ERI3: variants seen among roughly 807,000 people sequenced by gnomAD.
The protein encoded by ERI3 is ERI1 exoribonuclease family member 3, also known as ERI1 exoribonuclease 3.
A neutral mutation model predicts 44.4 loss-of-function variants in ERI3; 18 were observed. The ratio of observed to expected loss-of-function variants is 0.41; its 90% CI spans 0.28 to 0.60. The LOEUF (loss-of-function observed/expected upper bound fraction) is 0.60. Ranked by LOEUF, ERI3 falls within the 20% of genes least tolerant of loss-of-function variation. The pLI, the probability that ERI3 is intolerant of heterozygous loss-of-function variation, is 0.36. For synonymous variants in ERI3, 183 were observed against 164.8 expected (o/e 1.11, Z -0.84); for missense variants, 294 against 435.5 (o/e 0.68, Z 2.89).
intron 1 of ERI3, chr1:44,354,294 A>G (rs1231070027): frequency 1.0e-6 from 1 of 985,310 alleles, no homozygotes; most frequent in Non-Finnish European, 1.2e-6. Flanking sequence ...GATGGGCACT[A>G]TTTGTTGCAA....
At position 44,338,582 on chromosome 1, in the gene ERI3, A is replaced by C. The variant is rs1043459090; in HGVS notation, c.489+463T>G. Among the ~76,000 whole-genome samples, 3 of 152,228 alleles carry C rather than the reference A, an allele frequency of 2.0e-5. No individual in the cohort carries two copies. In the East Asian group the frequency reaches 5.8e-4, roughly 29 times the overall value. On this transcript the variant is annotated intron_variant, in intron 3 of 8. Transcript: ENST00000372257. Reference sequence around the variant, plus strand: ...ATACTTTTTATAACTTACCCTCAGAAGTCGTACATTATCTCTTCCACTGTA... The same window carrying C: ...ATACTTTTTATAACTTACCCTCAGACGTCGTACATTATCTCTTCCACTGTA...
At chr1:44,250,993 C>T (rs1168403512) in intron 7 of ERI3, among the ~76,000 whole-genome samples, 1 of 152,198 alleles carries the variant, frequency 6.6e-6, no homozygotes, top group African/African-American at 2.4e-5. Context: ...GATGTGACCA[C>T]CAGCCTCACG....
chr1:44,304,671 T>C (rs1465058034), intron 6 of ERI3, among the ~76,000 whole-genome samples: 1 of 152,158 alleles, frequency 6.6e-6, no homozygotes, highest in Admixed American at 6.5e-5. Flanking sequence ...GTCTCTTCAG[T>C]GGTCTTGACC....
chr1:44,296,399 G>T (rs189894876), intron 6 of ERI3, among the ~76,000 whole-genome samples: 1 of 152,118 alleles, frequency 6.6e-6, no homozygotes, highest in Admixed American at 6.5e-5. Flanking sequence ...CACCCCACGC[G>T]CTGCCTCCAG....
chr1:44,292,660 G>A (rs1021391158), intron 6 of ERI3, among the ~76,000 whole-genome samples: 12 of 152,158 alleles, frequency 7.9e-5, no homozygotes, highest in Non-Finnish European at 1.2e-4. Flanking sequence ...GCACACGTGC[G>A]GTCCCTCCAT....
chr1:44,245,975 T>C (rs1238012941), intron 8 of ERI3, among the ~76,000 whole-genome samples: 6 of 152,196 alleles, frequency 3.9e-5, no homozygotes, highest in Admixed American at 2.0e-4. Context: ...CAACCACCCA[T>C]ATGCATTTAT....
chr1:44,322,232 G>T (rs1472827249), intron 3 of ERI3, among the ~76,000 whole-genome samples: 1 of 152,108 alleles, frequency 6.6e-6, no homozygotes, highest in Non-Finnish European at 1.5e-5. Context: ...TTGGGTTTCC[G>T]CATTGCAGCA....
chr1:44,319,210 G>C (rs1646150265), intron 4 of ERI3, among the ~76,000 whole-genome samples: 1 of 152,184 alleles, frequency 6.6e-6, no homozygotes. Context: ...CTTCACACAG[G>C]ACCACTTTAC....
chr1:44,270,713 A>G (rs2154321424), intron 7 of ERI3, among the ~76,000 whole-genome samples: 1 of 152,344 alleles, frequency 6.6e-6, no homozygotes, highest in Non-Finnish European at 1.5e-5. Flanking sequence ...TGGGCCTGCC[A>G]CGGAGGGCAC....
chr1:44,342,828 T>TATATATATATATATATAA (rs1646690471), intron 2 of ERI3, among the ~76,000 whole-genome samples: 5 of 18,764 alleles, frequency 2.7e-4, no homozygotes, highest in African/African-American at 1.2e-3. Flanking sequence ...TATATATATA[T>TATATATATATATATATAA]ATATATATAT....
Position 44,259,916 on chromosome 1 carries a change from T to TAGACAGACAGAC in ERI3, c.832-11879_832-11878insGTCTGTCTGTCT, listed in dbSNP as rs1236516662. On this transcript the variant is annotated intron_variant, in intron 7 of 8. Coordinates refer to ENST00000372257, the MANE Select transcript of ERI3 (RefSeq NM_024066.3). ...ATAGATAGATAGATAGATAGATAGA[T>TAGACAGACAGAC]AGATAGACAGACAGACAGACAGACA... 6.0e-3 allele frequency among the ~76,000 whole-genome samples: 848 copies of TAGACAGACAGAC among 141,338 alleles called. 8 individuals are homozygous for TAGACAGACAGAC. Among genetic ancestry groups the TAGACAGACAGAC allele is most frequent in the African/African-American group, 0.022 (779 of 34,790 alleles). The allele number at this position is 141,338 out of a possible 152,430, so 92.7% of individuals were successfully genotyped here.
intron 8 of ERI3, chr1:44,242,075 C>A: frequency 2.0e-6 from 2 of 985,578 alleles, no homozygotes; most frequent in Non-Finnish European, 2.4e-6. Context: ...CAGGCCAGTG[C>A]AGACCCTGTC....
chr1:44,299,213 T>C (rs1365893052), intron 6 of ERI3, among the ~76,000 whole-genome samples: 4 of 152,140 alleles, frequency 2.6e-5, no homozygotes, highest in Non-Finnish European at 4.4e-5. Flanking sequence ...GACAGGATCT[T>C]ACTCTGTTGT....
chr1:44,259,723 C>CACACACACACACACACACACAA (rs1394413620), intron 7 of ERI3, among the ~76,000 whole-genome samples: 1 of 147,478 alleles, frequency 6.8e-6, no homozygotes, highest in African/African-American at 2.5e-5. Context: ...CACACACACA[C>CACACACACACACACACACACAA]AAATTAGCCA....
At chr1:44,351,155 T>C (rs1646882315) in intron 2 of ERI3, among the ~76,000 whole-genome samples, 1 of 152,006 alleles carries the variant, frequency 6.6e-6, no homozygotes, top group Non-Finnish European at 1.5e-5. Flanking sequence ...CGCCTCAGCC[T>C]CCCAAGTAGC....
At chr1:44,338,212 C>T (rs1243813817) in intron 3 of ERI3, among the ~76,000 whole-genome samples, 1 of 152,192 alleles carries the variant, frequency 6.6e-6, no homozygotes. Context: ...ACAAATCATC[C>T]CAAAACCTGT....
intron 5 of ERI3, among the ~76,000 whole-genome samples, chr1:44,310,038 T>C (rs1446515519): frequency 1.3e-5 from 2 of 152,216 alleles, no homozygotes; most frequent in African/African-American, 4.8e-5. Context: ...CCTTCATCTA[T>C]AAAATCTTAC....
intron 7 of ERI3, among the ~76,000 whole-genome samples, chr1:44,265,263 G>C (rs1280759989): frequency 1.3e-5 from 2 of 152,252 alleles, no homozygotes; most frequent in Non-Finnish European, 2.9e-5. Flanking sequence ...CTTAACTAGA[G>C]AGGCTTGGTC....
In ERI3 at chr1:44,221,269, G is replaced by A. The variant is rs1643893622; in HGVS notation, c.*289C>T. 1.1e-5 allele frequency: 5 copies of A among 446,342 alleles called. No individual in the cohort carries two copies. Among genetic ancestry groups the A allele is most frequent in the African/African-American group, 4.0e-5 (2 of 49,980 alleles). 27.6% of individuals were successfully genotyped at this position (446,342 alleles called of 1,614,324 possible). On this transcript the variant is annotated 3_prime_UTR_variant, in exon 9 of 9. Coordinates refer to ENST00000372257, the MANE Select transcript of ERI3 (RefSeq NM_024066.3). The surrounding 1 kb of genome is among the most constrained non-coding windows in gnomAD (Gnocchi z 5.9). ...GAAGCCTGTGTACCAGGGAGGAGGC[G>A]GTGAGTGCCTGGGTCCCCCTAGCCC... is the stretch of plus-strand genomic sequence containing the variant.
Sources: gnomAD v4.1 joint callset for allele counts (sites outside exome capture counted in the v4.1 genomes callset) on GRCh38, gnomAD v4.1.1 for gene constraint, Gnocchi (gnomAD v3.1) non-coding constraint, MANE v1.5 for transcripts, NCBI Gene and HGNC (gene_info 2026-07-23, HGNC 2026-07-21) for gene names.